The following TRAF3IP1 variants were observed in gnomAD, a reference collection of about 807,000 sequenced individuals.
TRAF3IP1 encodes the protein TRAF3-interacting protein 1.
A neutral mutation model predicts 89.9 loss-of-function variants in TRAF3IP1; 53 were observed. The ratio of observed to expected loss-of-function variants is 0.59; its 90% CI spans 0.47 to 0.74. TRAF3IP1 has a LOEUF of 0.74. TRAF3IP1 is among the 30% of genes least tolerant of loss of function. TRAF3IP1 has a pLI of 0.00. For synonymous variants in TRAF3IP1, 311 were observed against 322.1 expected, an observed-to-expected ratio of 0.97 and a Z score of 0.37; for missense variants, 806 against 866.1, an observed-to-expected ratio of 0.93 and a Z score of 0.87.
chr2:238,368,593 A>G (rs1699980682), intron 15 of TRAF3IP1, among the ~76,000 whole-genome samples: 1 of 152,192 alleles, frequency 6.6e-6, no homozygotes, highest in East Asian at 1.9e-4. Flanking sequence ...TAAGTTTTAT[A>G]TTTTCAGGAA....
intron 14 of TRAF3IP1, among the ~76,000 whole-genome samples, chr2:238,354,636 ATTTTATTTAT>A (rs1461894753): frequency 2.0e-5 from 3 of 151,866 alleles, no homozygotes; most frequent in Non-Finnish European, 4.4e-5. Context: ...ATTTTATTTT[ATTTTATTTAT>A]TTTTATTTAT....
At chr2:238,332,984 C>A in intron 6 of TRAF3IP1, 89 bp downstream of exon 6, 2 of 949,324 alleles carry the variant, frequency 2.1e-6, no homozygotes. Context: ...TCCACTGAGG[C>A]ATGGAAGGAG....
At chr2:238,360,435 T>C (rs930747741) in intron 15 of TRAF3IP1, among the ~76,000 whole-genome samples, 4 of 152,024 alleles carry the variant, frequency 2.6e-5, no homozygotes, top group Admixed American at 6.6e-5. Context: ...AAGACCAGCC[T>C]GTGCAACATA....
intron 15 of TRAF3IP1, among the ~76,000 whole-genome samples, chr2:238,361,169 C>T (rs556601232): frequency 4.0e-5 from 6 of 151,736 alleles, no homozygotes; most frequent in Non-Finnish European, 5.9e-5. Context: ...ACCTCAGTCT[C>T]CCGAGTAGCT....
chr2:238,379,836 A>G lies in TRAF3IP1; in HGVS notation c.1690-17623A>G, dbSNP rs1700471931. 6.6e-6 allele frequency among the ~76,000 whole-genome samples: 1 copy of G among 152,236 alleles called. No individual in the cohort carries two copies. The highest frequency in any genetic ancestry group is 1.5e-5 in the Non-Finnish European group (1 of 68,044). ...TACTGTAGCAATAGGCTCAATAGAAAATGATTAATATTTTAGTAAGACATT... is the reference window on the plus strand; with the variant it reads ...TACTGTAGCAATAGGCTCAATAGAAGATGATTAATATTTTAGTAAGACATT... On this transcript the variant is annotated intron_variant, in intron 15 of 16. Coordinates refer to ENST00000373327, the MANE Select transcript of TRAF3IP1 (RefSeq NM_015650.4). This position sits in a 1 kb window ranked among gnomAD's most constrained non-coding sequence, Gnocchi z 4.0.
intron 15 of TRAF3IP1, among the ~76,000 whole-genome samples, chr2:238,365,748 C>A (rs906063408): frequency 2.6e-5 from 4 of 151,932 alleles, no homozygotes; most frequent in Non-Finnish European, 4.4e-5. Context: ...AAATTGGGAA[C>A]TACTGAAATT....
intron 15 of TRAF3IP1, among the ~76,000 whole-genome samples, chr2:238,391,597 C>T (rs375974420): frequency 7.2e-4 from 109 of 152,252 alleles, no homozygotes; most frequent in African/African-American, 2.5e-3. Context: ...AATCCCAGCC[C>T]AAGTGTACTT....
At chr2:238,347,100 G>C (rs1698928827) in intron 9 of TRAF3IP1, 1 of 236,150 alleles carries the variant, frequency 4.2e-6, no homozygotes, top group Admixed American at 5.6e-5. Context: ...TCAGACTGTT[G>C]CATCGTTCCC....
At chr2:238,380,918 C>T (rs1700519070) in intron 15 of TRAF3IP1, among the ~76,000 whole-genome samples, 1 of 152,116 alleles carries the variant, frequency 6.6e-6, no homozygotes, top group Non-Finnish European at 1.5e-5. Context: ...GAGCAAGGAT[C>T]CTTCCTGGGA....
At chr2:238,397,356 C>A in intron 15 of TRAF3IP1, 103 bp from the exon 16 acceptor site, 2 of 955,560 alleles carry the variant, frequency 2.1e-6, no homozygotes, top group Non-Finnish European at 3.3e-6. Context: ...TCTCTGCCTG[C>A]GCCTTTCCTC....
chr2:238,392,513 T>G (rs984995880), intron 15 of TRAF3IP1, among the ~76,000 whole-genome samples: 1 of 152,210 alleles, frequency 6.6e-6, no homozygotes, highest in African/African-American at 2.4e-5. Flanking sequence ...TGGGATTCAC[T>G]TTTCTTATTC....
chr2:238,373,435 A>T lies in TRAF3IP1; in HGVS notation c.1689+17355A>T, dbSNP rs558218847. ...TTTTGTCAGGTTTGTCAAAGATCAG[A>T]TGGTTGTAGATGTGTGGTGTTATTT... is the stretch of plus-strand genomic sequence containing the variant. On this transcript the variant is annotated intron_variant, in intron 15 of 16. Coordinates refer to ENST00000373327, the MANE Select transcript of TRAF3IP1 (RefSeq NM_015650.4). Among the ~76,000 whole-genome samples, 3 of 152,254 alleles carry T rather than the reference A, an allele frequency of 2.0e-5. No homozygotes were observed. The South Asian group carries it at 6.2e-4, about 32-fold the overall frequency.
Position 238,374,355 on chromosome 2 carries a change from G to C in TRAF3IP1, c.1689+18275G>C, listed in dbSNP as rs192983241. Among the ~76,000 whole-genome samples the C allele has an allele frequency of 7.0e-3, 1,066 of 152,250 alleles. 8 individuals carry two copies. Among genetic ancestry groups the C allele is most frequent in the South Asian group, 0.015 (72 of 4,822 alleles). On this transcript the variant is annotated intron_variant, in intron 15 of 16. Transcript: ENST00000373327. ...TTTAGCATGAAGGGCTGTCGAGTTT[G>C]GTCGAAGGCCTTTTCTGCATTTATT...
At chr2:238,326,096 C>A in intron 3 of TRAF3IP1, 126 bp downstream of exon 3, 1 of 867,642 alleles carries the variant, frequency 1.2e-6, no homozygotes, top group Non-Finnish European at 1.8e-6. Context: ...AAACACTGTG[C>A]TTTGAATCTG....
intron 5 of TRAF3IP1, among the ~76,000 whole-genome samples, chr2:238,330,528 T>C (rs1372209038): frequency 6.6e-6 from 1 of 152,220 alleles, no homozygotes. Flanking sequence ...ATCTGCCCAG[T>C]TGATCCGGCC....
At position 238,329,232 on chromosome 2, in the gene TRAF3IP1, C is replaced by T. The variant is rs375847619; in HGVS notation, c.805C>T (p.Arg269Cys). ...KERLRDRDRE[R>C]DRDKGKDRDR... ...GAGACTGAGAGACAGGGACCGAGAG[C>T]GCGACCGGGACAAAGGGAAGGACAG... The change falls in exon 5 of 17, where the codon CGC (arginine) becomes TGC (cysteine). Residue 269 changes from arginine to cysteine, a missense_variant. Physicochemically the swap from Arg to Cys is radical, Grantham distance 180. Transcript: ENST00000373327. 124 of 1,547,234 alleles carry T rather than the reference C, an allele frequency of 8.0e-5. No individual in the cohort carries two copies. The highest frequency in any genetic ancestry group is 7.4e-4 in the East Asian group (33 of 44,394).
chr2:238,375,854 A>G (rs1700293446), intron 15 of TRAF3IP1, among the ~76,000 whole-genome samples: 1 of 152,332 alleles, frequency 6.6e-6, no homozygotes, highest in South Asian at 2.1e-4. Context: ...TGACATGTAC[A>G]TGCTTAATCC....
At chr2:238,393,392 T>G in intron 15 of TRAF3IP1, among the ~76,000 whole-genome samples, 1 of 152,244 alleles carries the variant, frequency 6.6e-6, no homozygotes, top group East Asian at 1.9e-4. Context: ...GCTTTCTTGC[T>G]GTTGTGTTTT....
At chr2:238,344,714 G>T in intron 9 of TRAF3IP1, 116 bp downstream of exon 9, 1 of 850,216 alleles carries the variant, frequency 1.2e-6, no homozygotes. Context: ...TCTGAACGTG[G>T]CAAGTGATTC....
Sources: gnomAD v4.1 joint callset for allele counts (sites outside exome capture counted in the v4.1 genomes callset) on GRCh38, gnomAD v4.1.1 for gene constraint, Gnocchi (gnomAD v3.1) non-coding constraint, MANE v1.5 for transcripts, NCBI Gene and HGNC (gene_info 2026-07-23, HGNC 2026-07-21) for gene names.